The following CNOT1 variants were observed in gnomAD, a reference collection of about 807,000 sequenced individuals.
The protein encoded by CNOT1 is CCR4-NOT transcription complex subunit 1.
A neutral mutation model predicts 273.8 loss-of-function variants in CNOT1; 15 were observed. The ratio of observed to expected loss-of-function variants is 0.05; its 90% CI spans 0.04 to 0.08. The LOEUF (loss-of-function observed/expected upper bound fraction) is 0.08. Among genes scored for constraint, CNOT1 ranks in the 10% least tolerant of loss-of-function variants. The probability of loss-of-function intolerance (pLI) is 1.00; values close to 1 mark genes in which losing one functional copy is unlikely to be tolerated. For missense variants in CNOT1, 1,644 were observed against 2,912.2 expected (o/e 0.56, Z 10.02); for synonymous variants, 1,022 against 1,005.5 (o/e 1.02, Z -0.31).
Position 58,528,649 on chromosome 16 carries a change from C to A in CNOT1, c.6280-1G>T. On this transcript the variant is annotated splice_acceptor_variant, in intron 43 of 48. Coordinates refer to ENST00000317147, the MANE Select transcript of CNOT1 (RefSeq NM_016284.5). LOFTEE classifies it high-confidence loss of function. Reference sequence around the variant, plus strand: ...GAACCAGCAGCACTCTTAAAGTGCCCTATTTTTAAAAAACAAGAAAAATAT... The same window carrying A: ...GAACCAGCAGCACTCTTAAAGTGCCATATTTTTAAAAAACAAGAAAAATAT... The A allele has an allele frequency of 1.3e-6, 2 of 1,585,964 alleles. No homozygotes were observed. Among genetic ancestry groups the A allele is most frequent in the South Asian group, 1.2e-5 (1 of 86,526 alleles).
chr16:58,579,017 G>C, intron 12 of CNOT1, 78 bp from the exon 13 acceptor site: 1 of 1,536,298 alleles, frequency 6.5e-7, no homozygotes, highest in Non-Finnish European at 8.8e-7. Flanking sequence ...AGTGATACCA[G>C]CTTGTAAGCA....
In CNOT1 at chr16:58,580,422, C is replaced by A. The variant is rs201879374; in HGVS notation, c.1343+211G>T. On this transcript the variant is annotated intron_variant, in intron 12 of 48. Transcript: ENST00000317147. ...CAGATTTGATGCTTTTAAAAGAACA[C>A]CTAAAGACAGACCTTACAAGATATA... Among the ~76,000 whole-genome samples, 4 of 151,890 alleles carry A rather than the reference C, an allele frequency of 2.6e-5. No individual in the cohort carries two copies. The East Asian group carries it at 7.7e-4, about 29-fold the overall frequency.
chr16:58,578,582 T>C, intron 13 of CNOT1, 117 bp downstream of exon 13: 1 of 1,468,592 alleles, frequency 6.8e-7, no homozygotes, highest in Non-Finnish European at 9.0e-7. Flanking sequence ...GTATGACTTT[T>C]AAAGTCATAA....
chr16:58,550,996 C>T, intron 24 of CNOT1, 136 bp downstream of exon 24: 6 of 1,449,120 alleles, frequency 4.1e-6, no homozygotes, highest in Non-Finnish European at 5.4e-6. Flanking sequence ...CTACCAAACC[C>T]ACTAGTTAAA....
intron 1 of CNOT1, among the ~76,000 whole-genome samples, chr16:58,619,013 T>C (rs2043201478): frequency 6.6e-6 from 1 of 152,090 alleles, no homozygotes; most frequent in Non-Finnish European, 1.5e-5. Flanking sequence ...AGCAACATAG[T>C]GAGACCCCCA....
At chr16:58,575,370 C>G (rs1228668537) in intron 14 of CNOT1, among the ~76,000 whole-genome samples, 1 of 152,114 alleles carries the variant, frequency 6.6e-6, no homozygotes, top group Non-Finnish European at 1.5e-5. Flanking sequence ...CTTTACCGTG[C>G]TCTTTAAAAT....
At chr16:58,593,806 A>G (rs1295843550) in intron 2 of CNOT1, among the ~76,000 whole-genome samples, 1 of 152,238 alleles carries the variant, frequency 6.6e-6, no homozygotes, top group Non-Finnish European at 1.5e-5. Flanking sequence ...AGCAGAAGCA[A>G]AACTAAATAT....
chr16:58,526,067 C>T lies in CNOT1; in HGVS notation c.6525G>A (p.Gln2175=), dbSNP rs139741726. The T allele has an allele frequency of 1.2e-4, 201 of 1,614,084 alleles. No homozygotes were observed. The highest frequency in any genetic ancestry group is 2.2e-4 in the Admixed American group (13 of 60,016). ...LTNFTGVMPP[Q]FKKDLDSYLK... ...GATAGGAATCCAAATCCTTTTTGAA[C>T]TGAGGTGGCATTACTCCAGTGAAAT... Residue 2175 remains glutamine (Q), a synonymous_variant, in exon 45 of 49, where the codon CAG becomes CAA. Transcript: ENST00000317147.
intron 10 of CNOT1, among the ~76,000 whole-genome samples, chr16:58,582,524 A>C (rs903669696): frequency 6.6e-6 from 1 of 152,208 alleles, no homozygotes; most frequent in Non-Finnish European, 1.5e-5. Context: ...TCAGTTTGCA[A>C]CCGAAGTAGA....
intron 11 of CNOT1, 86 bp from the exon 12 acceptor site, chr16:58,580,846 T>C: frequency 7.8e-7 from 1 of 1,277,618 alleles, no homozygotes; most frequent in Non-Finnish European, 1.1e-6. Context: ...ATTGTCAATC[T>C]TAAGGTTATT....
chr16:58,615,871 C>T (rs545841816), intron 1 of CNOT1, among the ~76,000 whole-genome samples: 1 of 121,956 alleles, frequency 8.2e-6, no homozygotes, highest in East Asian at 2.0e-4. Flanking sequence ...GGCTTGGGAC[C>T]AGGAGTTCAA....
chr16:58,626,322 G>A (rs1049267371), intron 1 of CNOT1, among the ~76,000 whole-genome samples: 2 of 144,942 alleles, frequency 1.4e-5, no homozygotes, highest in Non-Finnish European at 3.0e-5. Flanking sequence ...CAGAAGAATC[G>A]CTTGAACCTG....
At chr16:58,557,647 T>C (rs930442506) in intron 18 of CNOT1, among the ~76,000 whole-genome samples, 11 of 151,610 alleles carry the variant, frequency 7.3e-5, no homozygotes, top group African/African-American at 2.2e-4. Context: ...AAAAAAAATA[T>C]AGCTTTTATT....
At chr16:58,527,639 A>C (rs775283844) in intron 44 of CNOT1, among the ~76,000 whole-genome samples, 1 of 152,248 alleles carries the variant, frequency 6.6e-6, no homozygotes, top group Non-Finnish European at 1.5e-5. Context: ...ATTACACTAC[A>C]TTAGGTATCA....
In CNOT1 at chr16:58,588,009, A is replaced by G. The variant is rs1040567831; in HGVS notation, c.211-131T>C. On this transcript the variant is annotated intron_variant, in intron 3 of 48. Coordinates refer to ENST00000317147, the MANE Select transcript of CNOT1 (RefSeq NM_016284.5). ...TATATATTATCAAAATCGGCTCTTT[A>G]AAAATCTCGCCAGGTGCGGTGGTTG... The G allele has an allele frequency of 1.4e-5, 13 of 961,370 alleles. No homozygotes were observed. In the East Asian group the frequency reaches 3.0e-4, roughly 23 times the overall value. 59.6% of individuals were successfully genotyped at this position (961,370 alleles called of 1,614,324 possible). A position where few individuals can be genotyped will look rare whatever the true frequency, so the allele number is the denominator to read the frequency against.
At chr16:58,577,281 G>C (rs1162262009) in intron 13 of CNOT1, among the ~76,000 whole-genome samples, 1 of 152,186 alleles carries the variant, frequency 6.6e-6, no homozygotes, top group African/African-American at 2.4e-5. Context: ...TCAATCACAA[G>C]TGAGGAGATG....
Position 58,532,154 on chromosome 16 carries a change from G to C in CNOT1, c.6059+78C>G. On this transcript the variant is annotated intron_variant, in intron 41 of 48. Coordinates refer to ENST00000317147, the MANE Select transcript of CNOT1 (RefSeq NM_016284.5). Reference sequence around the variant, plus strand: ...CAGCACATGAATGTAGGCTCAAAATGCTCAAGAGTTCTACTCCCAAAATTT... The same window carrying C: ...CAGCACATGAATGTAGGCTCAAAATCCTCAAGAGTTCTACTCCCAAAATTT... The C allele has an allele frequency of 3.7e-6, 6 of 1,606,022 alleles. No individual in the cohort carries two copies. The South Asian group carries it at 6.6e-5, about 18-fold the overall frequency.
At position 58,547,759 on chromosome 16, in the gene CNOT1, A is replaced by G. The variant is rs1400913715; in HGVS notation, c.3523-77T>C. The G allele has an allele frequency of 2.2e-6, 3 of 1,394,394 alleles. No homozygotes were observed. Among genetic ancestry groups the G allele is most frequent in the Non-Finnish European group, 2.9e-6 (3 of 1,026,340 alleles). The allele number at this position is 1,394,394 out of a possible 1,614,324, so 86.4% of individuals were successfully genotyped here. On this transcript the variant is annotated intron_variant, in intron 25 of 48. Coordinates refer to ENST00000317147, the MANE Select transcript of CNOT1 (RefSeq NM_016284.5). The surrounding 1 kb of genome is among the most constrained non-coding windows in gnomAD (Gnocchi z 4.0). ...ACTCAACTAAGTATTTGAGAATTCC[A>G]TTATCCTATCCTAAAGACAAGTCAT...
At chr16:58,544,761 T>G (rs999495512) in intron 30 of CNOT1, among the ~76,000 whole-genome samples, 3 of 152,162 alleles carry the variant, frequency 2.0e-5, no homozygotes, top group African/African-American at 7.2e-5. Context: ...TTCTGTTAAG[T>G]AGAATAAAAG....
Sources: allele counts gnomAD v4.1 joint callset (sites outside exome capture counted in the v4.1 genomes callset), GRCh38; gene constraint gnomAD v4.1.1; non-coding constraint Gnocchi (gnomAD v3.1); transcripts MANE v1.5; gene names NCBI Gene and HGNC (gene_info 2026-07-23, HGNC 2026-07-21).